The following TES variants were observed in gnomAD, a reference collection of about 807,000 sequenced individuals.
TES encodes testin.
A neutral mutation model predicts 48.2 loss-of-function variants in TES; 41 were observed. The ratio of observed to expected loss-of-function variants is 0.85; its 90% confidence interval spans 0.66 to 1.10. TES has a LOEUF of 1.10. Among genes scored for constraint, TES ranks in the 50% least tolerant of loss-of-function variants. TES has a pLI of 0.00. For missense variants in TES, 463 were observed against 515.1 expected, an observed-to-expected ratio of 0.90 and a Z score of 0.98; for synonymous variants, 162 against 174.9, an observed-to-expected ratio of 0.93 and a Z score of 0.58.
rs370571054 is a variant in TES, at chr7:116,250,141, T to C, written c.367-20T>C. On this transcript the variant is annotated intron_variant, in intron 3 of 6. Transcript: ENST00000358204. The stretch of plus-strand genomic sequence containing the variant: ...GCCTAATGGCCAATCCCAGTTAACA[T>C]TGGCCTCCTTGTGGTTCAGGCCAGG... 123 of 1,498,348 alleles carry C rather than the reference T, an allele frequency of 8.2e-5. No individual in the cohort carries two copies. The highest frequency in any genetic ancestry group is 1.9e-4 in the East Asian group (8 of 42,366). 92.8% of individuals were successfully genotyped at this position (1,498,348 alleles called of 1,614,324 possible).
intron 2 of TES, among the ~76,000 whole-genome samples, chr7:116,242,530 TCTCTCTCTGTCTCTGTCTC>T (rs1799863377): frequency 7.2e-5 from 5 of 69,182 alleles, no homozygotes; most frequent in African/African-American, 3.7e-4. Flanking sequence ...TCTCTCTCTC[TCTCTCTCTGTCTCTGTCTC>T]GGAATATACA....
chr7:116,226,137 T>C (rs2116583000), intron 1 of TES, among the ~76,000 whole-genome samples: 1 of 152,330 alleles, frequency 6.6e-6, no homozygotes, highest in Middle Eastern at 3.4e-3. Flanking sequence ...TTCCTTGGGA[T>C]AAAGATATGT....
At chr7:116,230,330 G>C (rs568965085) in intron 1 of TES, among the ~76,000 whole-genome samples, 1 of 152,328 alleles carries the variant, frequency 6.6e-6, no homozygotes, top group East Asian at 1.9e-4. Context: ...GAAAGGTAGA[G>C]GGGCACTTTT....
intron 2 of TES, 144 bp downstream of exon 2, chr7:116,234,763 TAA>T (rs3030639): frequency 0.62 from 421,875 of 681,120 alleles, 132,318 homozygotes; most frequent in African/African-American, 0.71. Flanking sequence ...GAATACAACA[TAA>T]AAAGTGTTCT....
At chr7:116,251,313 C>G (rs1162197973) in intron 4 of TES, among the ~76,000 whole-genome samples, 2 of 152,152 alleles carry the variant, frequency 1.3e-5, no homozygotes, top group Admixed American at 6.5e-5. Context: ...TCTACATCGA[C>G]AAATTTGTAA....
chr7:116,244,604 G>A (rs1799896004), intron 2 of TES, among the ~76,000 whole-genome samples: 1 of 152,216 alleles, frequency 6.6e-6, no homozygotes, highest in Non-Finnish European at 1.5e-5. Flanking sequence ...AGTGCCTGCA[G>A]CTGTCCTTGG....
intron 1 of TES, among the ~76,000 whole-genome samples, chr7:116,221,926 C>G (rs1799562442): frequency 6.6e-6 from 1 of 152,132 alleles, no homozygotes; most frequent in Admixed American, 6.5e-5. Context: ...TAAATGATGT[C>G]TGTGCACCTT....
Position 116,249,282 on chromosome 7 carries a change from A to G in TES, c.366+10A>G, listed in dbSNP as rs960672099. 9 of 1,613,732 alleles carry G rather than the reference A, an allele frequency of 5.6e-6. No homozygotes were observed. The highest frequency in any genetic ancestry group is 3.3e-5 in the Admixed American group (2 of 60,000). ...CCAGAATCAAGCATTGGTAAATGAT[A>G]TGGAACAGAGAGTTTCTTTATTGAA... On this transcript the variant is annotated intron_variant, in intron 3 of 6. Transcript: ENST00000358204.
At position 116,234,636 on chromosome 7, in the gene TES, T is replaced by C; in HGVS notation, c.113+17T>C. 1.9e-6 allele frequency: 3 copies of C among 1,594,250 alleles called. No homozygotes were observed. The highest frequency in any genetic ancestry group is 2.6e-6 in the Non-Finnish European group (3 of 1,162,048). On this transcript the variant is annotated intron_variant, in intron 2 of 6. Coordinates refer to ENST00000358204, the MANE Select transcript of TES (RefSeq NM_015641.4). ...CTTCTGGAGGTATTGTTTTGAAAAC[T>C]GCAACCACATTAGTAATTTATACTT...
intron 1 of TES, among the ~76,000 whole-genome samples, chr7:116,233,703 C>A (rs1799729677): frequency 6.6e-6 from 1 of 152,138 alleles, no homozygotes; most frequent in Non-Finnish European, 1.5e-5. Flanking sequence ...TAACAAAATA[C>A]CTTAGACTGG....
intron 2 of TES, among the ~76,000 whole-genome samples, chr7:116,247,943 A>G (rs1425102844): frequency 6.6e-6 from 1 of 152,128 alleles, no homozygotes; most frequent in East Asian, 1.9e-4. Context: ...CCTGAGAGTT[A>G]GCTTTTCAAA....
chr7:116,218,521 G>T (rs568281936), intron 1 of TES, among the ~76,000 whole-genome samples: 1 of 152,240 alleles, frequency 6.6e-6, no homozygotes, highest in South Asian at 2.1e-4. Flanking sequence ...TCAAGGATCT[G>T]ATTTTTCCTT....
intron 2 of TES, 75 bp downstream of exon 2, chr7:116,234,694 T>C: frequency 8.3e-7 from 1 of 1,210,178 alleles, no homozygotes. Context: ...TGGAGATATC[T>C]TCGAGTTCTC....
intron 1 of TES, chr7:116,223,155 CTGAAA>C (rs1563006064): frequency 4.1e-6 from 1 of 241,438 alleles, no homozygotes. Context: ...AGTCGCTTAC[CTGAAA>C]TAAGTACAAA....
intron 6 of TES, among the ~76,000 whole-genome samples, chr7:116,254,050 A>C (rs1335298855): frequency 6.9e-6 from 1 of 145,738 alleles, no homozygotes; most frequent in Non-Finnish European, 1.5e-5. Context: ...TCCTTTACCT[A>C]GGGAACAAGA....
chr7:116,218,357 C>T (rs1272429248), intron 1 of TES, among the ~76,000 whole-genome samples: 1 of 152,104 alleles, frequency 6.6e-6, no homozygotes, highest in African/African-American at 2.4e-5. Context: ...TCCATTAATG[C>T]ATCTCTAGCC....
chr7:116,210,814 T>G (rs2116563586), intron 1 of TES, 80 bp downstream of exon 1: 4 of 1,168,070 alleles, frequency 3.4e-6, no homozygotes, highest in Non-Finnish European at 4.3e-6. Context: ...GGTGCCGAGG[T>G]GGGTGGGGCT....
chr7:116,242,903 G>T (rs1799868748), intron 2 of TES, among the ~76,000 whole-genome samples: 1 of 151,974 alleles, frequency 6.6e-6, no homozygotes, highest in Non-Finnish European at 1.5e-5. Flanking sequence ...ATTAGAATTG[G>T]TGATAGCAAG....
Position 116,249,191 on chromosome 7 carries a change from G to A in TES, c.285G>A (p.Thr95=), listed in dbSNP as rs756663029. Residue 95 remains threonine (T), a synonymous_variant, in exon 3 of 7, where the codon ACG becomes ACA. Transcript: ENST00000358204. ...PMYKRNVMIL[T]NPVAAKKNVS... Reference sequence around the variant, plus strand: ...ATAAACGCAATGTTATGATATTGACGAATCCAGTTGCTGCCAAGAAGAATG... The same window carrying A: ...ATAAACGCAATGTTATGATATTGACAAATCCAGTTGCTGCCAAGAAGAATG... The A allele has an allele frequency of 4.3e-6, 7 of 1,614,032 alleles. No individual in the cohort carries two copies. The South Asian group carries it at 5.5e-5, about 13-fold the overall frequency.
Sources: allele counts gnomAD v4.1 joint callset (sites outside exome capture counted in the v4.1 genomes callset), GRCh38; gene constraint gnomAD v4.1.1; transcripts MANE v1.5; gene names NCBI Gene and HGNC (gene_info 2026-07-23, HGNC 2026-07-21).